OR7E24: variants seen among roughly 807,000 people sequenced by gnomAD.
OR7E24 encodes the protein olfactory receptor 7E24.
For missense variants in OR7E24, 385 were observed against 410.3 expected, an observed-to-expected ratio of 0.94 and a Z score of 0.53; for synonymous variants, 130 against 157.5, an observed-to-expected ratio of 0.83 and a Z score of 1.31.
chr19:9,240,550 T>C, the OR7E24 span, among the ~76,000 whole-genome samples: 1 of 152,206 alleles, frequency 6.6e-6, no homozygotes, highest in Non-Finnish European at 1.5e-5. Context: ...CATTGATTCA[T>C]TTCTGCACCA....
the OR7E24 span, chr19:9,236,109 A>T: frequency 2.5e-6 from 3 of 1,193,170 alleles, no homozygotes; most frequent in Non-Finnish European, 3.7e-6. Flanking sequence ...AACTAAGAGG[A>T]TGCTATGGGT....
chr19:9,241,138 T>C, the OR7E24 span, among the ~76,000 whole-genome samples: 15 of 152,264 alleles, frequency 9.9e-5, no homozygotes, highest in Middle Eastern at 3.4e-3. Context: ...TTTTATTTGA[T>C]TTGATTTTTG....
chr19:9,251,187 G>A lies in OR7E24; in HGVS notation c.144G>A (p.Leu48=). The change falls in exon 1 of 1, where the codon CTG becomes CTA. Residue 48 remains leucine (L), a synonymous_variant. Transcript: ENST00000456448. ...DPELQPVLAG[L]FLSMYLVTVL... is the part of the protein sequence containing the mutation. ...AACTGCAGCCGGTCCTCGCTGGGCT[G>A]TTCCTGTCCATGTACCTGGTCACGG... is the stretch of plus-strand genomic sequence containing the variant. The A allele has an allele frequency of 1.2e-6, 2 of 1,613,980 alleles. No homozygotes were observed. Among genetic ancestry groups the A allele is most frequent in the East Asian group, 2.2e-5 (1 of 44,872 alleles).
At chr19:9,213,951 T>A in the OR7E24 span, 1 of 1,614,090 alleles carries the variant, frequency 6.2e-7, no homozygotes. Context: ...CCCCTTCACA[T>A]CCTTGTTCCT....
chr19:9,237,342 G>A, the OR7E24 span, among the ~76,000 whole-genome samples: 179 of 150,948 alleles, frequency 1.2e-3, 2 homozygotes, highest in African/African-American at 4.1e-3. Flanking sequence ...ACGGAGTCTC[G>A]CTCTGTCCCC....
the OR7E24 span, among the ~76,000 whole-genome samples, chr19:9,234,751 C>T: frequency 1.3e-5 from 2 of 152,100 alleles, no homozygotes; most frequent in Non-Finnish European, 2.9e-5. Flanking sequence ...TGTCACATCA[C>T]CTGTGTCAGG....
the OR7E24 span, among the ~76,000 whole-genome samples, chr19:9,240,522 A>G: frequency 6.6e-6 from 1 of 152,170 alleles, no homozygotes; most frequent in Admixed American, 6.6e-5. Flanking sequence ...TTTGTCAAAA[A>G]ATGATTTGCC....
upstream of OR7E24, chr19:9,247,417 A>C: frequency 2.5e-6 from 1 of 398,620 alleles, no homozygotes; most frequent in African/African-American, 2.1e-5. Flanking sequence ...TCTTCCTGCC[A>C]GTCCTGAGGA....
the OR7E24 span, among the ~76,000 whole-genome samples, chr19:9,238,028 G>A: frequency 0.11 from 16,652 of 152,126 alleles, 1,198 homozygotes; most frequent in African/African-American, 0.2. Context: ...TGTAATCCCA[G>A]CACTTTGGGA....
chr19:9,230,046 A>ATT, the OR7E24 span, among the ~76,000 whole-genome samples: 946 of 143,052 alleles, frequency 6.6e-3, 6 homozygotes, highest in South Asian at 0.017. Context: ...AAGTTCCTGT[A>ATT]TTTTTTTTTT....
At chr19:9,228,152 C>A in the OR7E24 span, among the ~76,000 whole-genome samples, 1 of 152,104 alleles carries the variant, frequency 6.6e-6, no homozygotes, top group Non-Finnish European at 1.5e-5. Flanking sequence ...ATAAGCATTC[C>A]TTTTTCTCCA....
At chr19:9,243,080 T>C (rs2066120501), upstream of OR7E24, among the ~76,000 whole-genome samples, 1 of 152,212 alleles carries the variant, frequency 6.6e-6, no homozygotes, top group African/African-American at 2.4e-5. Context: ...TTTCTGGAGA[T>C]GTCTTCAGGA....
In OR7E24 at chr19:9,251,860, G is replaced by C. The variant is rs370482036; in HGVS notation, c.817G>C (p.Gly273Arg). 1.2e-6 allele frequency: 2 copies of C among 1,614,020 alleles called. No homozygotes were observed. Among genetic ancestry groups the C allele is most frequent in the African/African-American group, 2.7e-5 (2 of 74,924 alleles). ...AGTTGTTTGCTTATTTTATGGAACA[G>C]GGCTTGTAGGGTACCTCAGTTCAGC... is the stretch of plus-strand genomic sequence containing the variant. ...LAVVCLFYGTGLVGYLSSAVL... is the reference protein window; with the variant it reads ...LAVVCLFYGTRLVGYLSSAVL... The change falls in exon 1 of 1, where the codon GGG (glycine) becomes CGG (arginine). Residue 273 changes from glycine (G) to arginine (R), a missense_variant. By Grantham distance (125) the Gly-to-Arg change is moderately radical. Coordinates refer to ENST00000456448, the MANE Select transcript of OR7E24 (RefSeq NM_001079935.2).
At chr19:9,225,063 A>G in the OR7E24 span, among the ~76,000 whole-genome samples, 2 of 152,234 alleles carry the variant, frequency 1.3e-5, no homozygotes, top group Admixed American at 1.3e-4. Flanking sequence ...GAATCACCCA[A>G]CAACAGAAGT....
chr19:9,245,654 A>T (rs2066127126), upstream of OR7E24, among the ~76,000 whole-genome samples: 1 of 152,208 alleles, frequency 6.6e-6, no homozygotes, highest in Non-Finnish European at 1.5e-5. Context: ...GAACATGGAC[A>T]CAAACAATGG....
the OR7E24 span, among the ~76,000 whole-genome samples, chr19:9,225,261 T>G: frequency 6.6e-5 from 10 of 151,984 alleles, no homozygotes; most frequent in South Asian, 4.2e-4. Context: ...TCCCAGCTAC[T>G]CGGGAGGCTG....
At chr19:9,226,363 G>T in the OR7E24 span, among the ~76,000 whole-genome samples, 4 of 152,190 alleles carry the variant, frequency 2.6e-5, no homozygotes, top group Admixed American at 2.6e-4. Flanking sequence ...CCACCCTACT[G>T]CTGGGTCCGG....
chr19:9,232,538 C>CAAAAAAAAAA, the OR7E24 span, among the ~76,000 whole-genome samples: 1 of 62,554 alleles, frequency 1.6e-5, no homozygotes, highest in Non-Finnish European at 3.4e-5. Context: ...AACTCCGTCG[C>CAAAAAAAAAA]AAAAAAAAAA....
At chr19:9,210,876 C>G in the OR7E24 span, 1 of 152,222 alleles carries the variant, frequency 6.6e-6, no homozygotes, top group African/African-American at 2.4e-5. Context: ...GAAGGAGAAC[C>G]AGGGTGGCTT....
Sources: allele counts gnomAD v4.1 joint callset (sites outside exome capture counted in the v4.1 genomes callset), GRCh38; gene constraint gnomAD v4.1.1; transcripts MANE v1.5; gene names NCBI Gene and HGNC (gene_info 2026-07-23, HGNC 2026-07-21).